The following EXOC4 variants were observed in gnomAD, a reference collection of about 807,000 sequenced individuals.
EXOC4 encodes the protein exocyst complex component 4.
A neutral mutation model predicts 107.2 loss-of-function variants in EXOC4; 71 were observed. The ratio of observed to expected loss-of-function variants is 0.66; its 90% CI spans 0.55 to 0.81. The LOEUF is 0.81. EXOC4 is among the 30% of genes least tolerant of loss of function. The pLI, the probability that EXOC4 is intolerant of heterozygous loss-of-function variation, is 0.00. For missense variants in EXOC4, 1,108 were observed against 1,189.6 expected (o/e 0.93, Z 1.01); for synonymous variants, 456 against 441.2 (o/e 1.03, Z -0.42).
chr7:133,949,027 T>C (rs1371452524), intron 14 of EXOC4, among the ~76,000 whole-genome samples: 1 of 152,150 alleles, frequency 6.6e-6, no homozygotes, highest in African/African-American at 2.4e-5. Context: ...CTAATATAAA[T>C]GGTATTTAAT....
chr7:133,902,186 A>G (rs909588775), intron 12 of EXOC4, among the ~76,000 whole-genome samples: 15 of 152,246 alleles, frequency 9.9e-5, no homozygotes, highest in African/African-American at 3.4e-4. Context: ...TATGAACATC[A>G]GGGATTTGCT....
intron 5 of EXOC4, among the ~76,000 whole-genome samples, chr7:133,330,770 G>A (rs1052225632): frequency 1.3e-5 from 2 of 151,942 alleles, no homozygotes; most frequent in South Asian, 2.1e-4. Flanking sequence ...GCTCGCCCTT[G>A]GTGGGCTGCA....
At chr7:133,557,535 T>A (rs866704022) in intron 9 of EXOC4, among the ~76,000 whole-genome samples, 4 of 152,308 alleles carry the variant, frequency 2.6e-5, no homozygotes, top group Middle Eastern at 3.4e-3. Flanking sequence ...TTATTTTGAA[T>A]AAATAGAGTC....
intron 3 of EXOC4, among the ~76,000 whole-genome samples, chr7:133,290,644 A>G (rs1328611329): frequency 6.6e-6 from 1 of 152,204 alleles, no homozygotes; most frequent in Non-Finnish European, 1.5e-5. Context: ...TTATGTTCAT[A>G]TTAGGATTTC....
chr7:133,611,135 A>G (rs1363866363), intron 9 of EXOC4, among the ~76,000 whole-genome samples: 2 of 151,940 alleles, frequency 1.3e-5, no homozygotes, highest in African/African-American at 2.4e-5. Flanking sequence ...GAATTGTGAG[A>G]GAGATTATAG....
chr7:133,670,432 T>TG (rs1276668843), intron 10 of EXOC4, among the ~76,000 whole-genome samples: 34 of 152,200 alleles, frequency 2.2e-4, no homozygotes, highest in Non-Finnish European at 4.6e-4. Context: ...CATGTGTGAC[T>TG]GCATGCTCTT....
chr7:133,765,883 C>T (rs1796125370), intron 10 of EXOC4, among the ~76,000 whole-genome samples: 1 of 151,958 alleles, frequency 6.6e-6, no homozygotes, highest in Non-Finnish European at 1.5e-5. Flanking sequence ...GACTTGCTTT[C>T]CTTTCGAAGG....
intron 10 of EXOC4, among the ~76,000 whole-genome samples, chr7:133,661,158 G>A (rs922094175): frequency 3.3e-5 from 5 of 152,074 alleles, no homozygotes; most frequent in South Asian, 2.1e-4. Context: ...CCTGAGAGGG[G>A]TAAAGGATGG....
rs1196384147 is a variant in EXOC4 at position 133,368,356 on chromosome 7, A to G, written c.1008-6472A>G. Reference sequence around the variant, plus strand: ...CAAAGAGGGGCTTTTTATTAGAATGATACAGAATTATTATTATGGAATATA... The same window carrying G: ...CAAAGAGGGGCTTTTTATTAGAATGGTACAGAATTATTATTATGGAATATA... On this transcript the variant is annotated intron_variant, in intron 6 of 17. Coordinates refer to ENST00000253861, the MANE Select transcript of EXOC4 (RefSeq NM_021807.4). Among the ~76,000 whole-genome samples, 5 of 152,206 alleles carry G rather than the reference A, an allele frequency of 3.3e-5. 1 individual carries two copies. Among genetic ancestry groups the G allele is most frequent in the Admixed American group, 3.3e-4 (5 of 15,282 alleles).
chr7:133,942,980 A>G (rs1800467039), intron 14 of EXOC4, among the ~76,000 whole-genome samples: 2 of 152,298 alleles, frequency 1.3e-5, no homozygotes, highest in South Asian at 4.1e-4. Context: ...CGTGTAATAT[A>G]TTCTAGATAT....
intron 14 of EXOC4, among the ~76,000 whole-genome samples, chr7:133,954,007 T>C (rs1800753560): frequency 6.6e-6 from 1 of 152,222 alleles, no homozygotes; most frequent in Non-Finnish European, 1.5e-5. Flanking sequence ...AGAGAGAGGC[T>C]CAATCTTCTG....
At chr7:133,572,560 A>G (rs1320216260) in intron 9 of EXOC4, among the ~76,000 whole-genome samples, 1 of 152,228 alleles carries the variant, frequency 6.6e-6, no homozygotes, top group African/African-American at 2.4e-5. Flanking sequence ...TCCTGTGTGT[A>G]CAGGAAAGAT....
intron 9 of EXOC4, among the ~76,000 whole-genome samples, chr7:133,485,137 G>C (rs1799247330): frequency 6.6e-6 from 1 of 150,648 alleles, no homozygotes; most frequent in Non-Finnish European, 1.5e-5. Context: ...AAATGAGTCA[G>C]TAATAAATAA....
intron 10 of EXOC4, among the ~76,000 whole-genome samples, chr7:133,632,970 A>T (rs1802624885): frequency 6.6e-6 from 1 of 152,224 alleles, no homozygotes; most frequent in Non-Finnish European, 1.5e-5. Context: ...AGGATTGCAA[A>T]TTTCAAATGA....
At chr7:133,924,562 A>G (rs188653121) in intron 13 of EXOC4, among the ~76,000 whole-genome samples, 8 of 152,336 alleles carry the variant, frequency 5.3e-5, no homozygotes, top group East Asian at 1.9e-4. Flanking sequence ...ATCACTTTCT[A>G]TCTTAAATTT....
intron 9 of EXOC4, among the ~76,000 whole-genome samples, chr7:133,571,609 C>T (rs1040985805): frequency 3.4e-5 from 5 of 148,382 alleles, no homozygotes; most frequent in African/African-American, 7.5e-5. Context: ...CAGGAGTCAG[C>T]GGTTGCAGTG....
At chr7:133,447,387 T>G (rs1298324170) in intron 7 of EXOC4, 1 of 152,160 alleles carries the variant, frequency 6.6e-6, no homozygotes, top group Non-Finnish European at 1.5e-5. Context: ...CTCCACTCTG[T>G]TTTTGTATAT....
At chr7:133,909,497 G>C (rs117762417) in intron 12 of EXOC4, among the ~76,000 whole-genome samples, 136 of 152,268 alleles carry the variant, frequency 8.9e-4, no homozygotes, top group South Asian at 6.7e-3. Context: ...GGAGAAAGGA[G>C]CAAGTCCGAA....
At chr7:133,957,103 A>C (rs2116819550) in intron 14 of EXOC4, among the ~76,000 whole-genome samples, 1 of 152,338 alleles carries the variant, frequency 6.6e-6, no homozygotes, top group Non-Finnish European at 1.5e-5. Context: ...ATGGCTTAAA[A>C]TTAACTAAAT....
Sources: allele counts gnomAD v4.1 joint callset (sites outside exome capture counted in the v4.1 genomes callset), GRCh38; gene constraint gnomAD v4.1.1; transcripts MANE v1.5; gene names NCBI Gene and HGNC (gene_info 2026-07-23, HGNC 2026-07-21).